Variants in PTPRN2 observed in about 807,000 individuals in gnomAD.
PTPRN2 encodes the protein protein tyrosine phosphatase receptor type N2.
In PTPRN2, 74 loss-of-function variants were observed where a neutral mutation model predicts 118.8. The ratio of observed to expected loss-of-function variants is 0.62; its 90% CI spans 0.52 to 0.76. PTPRN2 has a LOEUF of 0.76. PTPRN2 is among the 30% of genes least tolerant of loss of function. The probability of loss-of-function intolerance (pLI) is 0.00; values close to 1 mark genes in which losing one functional copy is unlikely to be tolerated. For missense variants in PTPRN2, 1,481 were observed against 1,394.4 expected (o/e 1.06, Z -0.99); for synonymous variants, 641 against 608.0 (o/e 1.05, Z -0.80).
At chr7:158,410,750 T>C (rs1428788385) in intron 2 of PTPRN2, among the ~76,000 whole-genome samples, 1 of 152,002 alleles carries the variant, frequency 6.6e-6, no homozygotes, top group East Asian at 1.9e-4. Context: ...GGATCCAGGG[T>C]GGGCCCTAAA....
chr7:158,337,522 A>C, intron 2 of PTPRN2, among the ~76,000 whole-genome samples: 1 of 151,302 alleles, frequency 6.6e-6, no homozygotes, highest in African/African-American at 2.4e-5. Context: ...CTCTCACCAT[A>C]AGAGGTGACA....
intron 3 of PTPRN2, among the ~76,000 whole-genome samples, chr7:158,234,950 G>A (rs1165478311): frequency 6.6e-6 from 1 of 152,152 alleles, no homozygotes; most frequent in East Asian, 1.9e-4. Context: ...TTTTAGTAGA[G>A]ACGGGGTTTC....
At position 157,763,336 on chromosome 7, in the gene PTPRN2, G is replaced by A. The variant is rs1312704198; in HGVS notation, c.1789-80399C>T. Among the ~76,000 whole-genome samples the A allele has an allele frequency of 1.3e-5, 2 of 152,212 alleles. No individual in the cohort carries two copies. Among genetic ancestry groups the A allele is most frequent in the African/African-American group, 4.8e-5 (2 of 41,468 alleles). ...TTTCCAACAAAAGCTCAGCCCTGGT[G>A]ATGACAGCACAGACTCCAGCTCTCC... On this transcript the variant is annotated intron_variant, in intron 12 of 22. Transcript: ENST00000389418. The surrounding 1 kb of genome is among the most constrained non-coding windows in gnomAD (Gnocchi z 4.9).
chr7:158,303,873 A>G lies in PTPRN2; in HGVS notation c.277+12946T>C, dbSNP rs114018115. 9.4e-4 allele frequency among the ~76,000 whole-genome samples: 144 copies of G among 152,384 alleles called. 1 individual carries two copies. The highest frequency in any genetic ancestry group is 3.3e-3 in the African/African-American group (139 of 41,594). On this transcript the variant is annotated intron_variant, in intron 3 of 22. Coordinates refer to ENST00000389418, the MANE Select transcript of PTPRN2 (RefSeq NM_002847.5). ...GTTGATGAAGAGGGTCAAACTCTGA[A>G]AACTATTTGAAGAAATGTATTCTGA...
chr7:158,056,155 T>C (rs1809771991), intron 11 of PTPRN2, among the ~76,000 whole-genome samples: 1 of 152,238 alleles, frequency 6.6e-6, no homozygotes, highest in African/African-American at 2.4e-5. Flanking sequence ...TGCCTTCGTA[T>C]TGGCCTTGGT....
rs909786779 is a variant in PTPRN2 at position 157,959,598 on chromosome 7, C to T, written c.1724-60861G>A. Among the ~76,000 whole-genome samples, 6 of 152,230 alleles carry T rather than the reference C, an allele frequency of 3.9e-5. No homozygotes were observed. In the South Asian group the frequency reaches 1.0e-3, roughly 26 times the overall value. ...GAGCCCATGGTGAGCTGTTCAACAT[C>T]ACCAGCCATTAGGCAAAAGCAAACA... On this transcript the variant is annotated intron_variant, in intron 11 of 22. Coordinates refer to ENST00000389418, the MANE Select transcript of PTPRN2 (RefSeq NM_002847.5).
At chr7:157,920,194 A>G (rs754572791) in intron 11 of PTPRN2, among the ~76,000 whole-genome samples, 14 of 152,202 alleles carry the variant, frequency 9.2e-5, no homozygotes, top group Non-Finnish European at 1.6e-4. Context: ...AACTATGAAC[A>G]AAGAAAATAA....
intron 12 of PTPRN2, among the ~76,000 whole-genome samples, chr7:157,853,087 G>A (rs971298163): frequency 2.0e-5 from 3 of 152,128 alleles, no homozygotes; most frequent in African/African-American, 7.2e-5. Flanking sequence ...CAGATCAGCA[G>A]GCAGTGGATG....
At chr7:158,547,542 C>T (rs759751944) in intron 1 of PTPRN2, among the ~76,000 whole-genome samples, 18 of 152,182 alleles carry the variant, frequency 1.2e-4, no homozygotes, top group Admixed American at 8.5e-4. Flanking sequence ...CCCATGCTGT[C>T]GCAGAGGTCA....
In PTPRN2 at chr7:157,941,643, C is replaced by T. The variant is rs564596677; in HGVS notation, c.1724-42906G>A. Among the ~76,000 whole-genome samples the T allele has an allele frequency of 7.2e-5, 11 of 152,324 alleles. No homozygotes were observed. The South Asian group carries it at 2.3e-3, about 32-fold the overall frequency. ...GGCCATCTGTGCAGGGACATACGTC[C>T]ATGCATGTGTATAAAAGATCTCTGT... On this transcript the variant is annotated intron_variant, in intron 11 of 22. Transcript: ENST00000389418.
At chr7:158,457,804 C>T (rs1330813936) in intron 2 of PTPRN2, among the ~76,000 whole-genome samples, 4 of 148,974 alleles carry the variant, frequency 2.7e-5, no homozygotes, top group Non-Finnish European at 4.4e-5. Context: ...CGGTGAGGGG[C>T]GTTAACACCA....
chr7:158,192,819 C>T (rs140418853), intron 4 of PTPRN2, among the ~76,000 whole-genome samples: 133 of 152,282 alleles, frequency 8.7e-4, no homozygotes, highest in Middle Eastern at 3.4e-3. Flanking sequence ...GTGTTGGCTG[C>T]AGGCTCAGCA....
intron 12 of PTPRN2, chr7:157,863,785 G>A (rs1810418348): frequency 6.6e-6 from 1 of 152,212 alleles, no homozygotes; most frequent in African/African-American, 2.4e-5. Context: ...GGGATATCTG[G>A]ACACAGAGAC....
At position 157,991,651 on chromosome 7, in the gene PTPRN2, G is replaced by A. The variant is rs539540945; in HGVS notation, c.1723+89647C>T. ...TTGCAGCCTGCCTGGGACCCAGTGA[G>A]GATCTGTGGAGATGGGCTACAGGGA... On this transcript the variant is annotated intron_variant, in intron 11 of 22. Transcript: ENST00000389418. Among the ~76,000 whole-genome samples, 6 of 152,346 alleles carry A rather than the reference G, an allele frequency of 3.9e-5. No individual in the cohort carries two copies. The South Asian group carries it at 8.3e-4, about 21-fold the overall frequency.
At chr7:157,982,584 G>A (rs113970671) in intron 11 of PTPRN2, among the ~76,000 whole-genome samples, 4 of 121,244 alleles carry the variant, frequency 3.3e-5, no homozygotes, top group Admixed American at 8.3e-5. Flanking sequence ...TCATAGAGAC[G>A]AGTAGGGGAA....
At chr7:158,316,678 C>T (rs574657791) in intron 3 of PTPRN2, 141 bp downstream of exon 3, 16 of 632,342 alleles carry the variant, frequency 2.5e-5, no homozygotes, top group African/African-American at 5.5e-5. Context: ...ATGAGCCCAG[C>T]GCCCGGCTCC....
intron 1 of PTPRN2, among the ~76,000 whole-genome samples, chr7:158,561,897 G>A (rs905260250): frequency 4.6e-5 from 7 of 152,194 alleles, no homozygotes; most frequent in African/African-American, 1.2e-4. Context: ...CAATTTGGGT[G>A]AAGCATTGCA....
intron 12 of PTPRN2, among the ~76,000 whole-genome samples, chr7:157,859,676 T>C (rs552364430): frequency 6.3e-4 from 6 of 9,474 alleles, no homozygotes; most frequent in African/African-American, 1.4e-3. Flanking sequence ...AGGGAGAGCC[T>C]CCCAGCCACC....
intron 3 of PTPRN2, among the ~76,000 whole-genome samples, chr7:158,292,710 A>T (rs188344750): frequency 2.0e-3 from 310 of 152,370 alleles, no homozygotes; most frequent in African/African-American, 7.2e-3. Flanking sequence ...AGGCAATTGT[A>T]ACACAAGGTT....
Sources: gnomAD v4.1 joint callset for allele counts (sites outside exome capture counted in the v4.1 genomes callset) on GRCh38, gnomAD v4.1.1 for gene constraint, Gnocchi (gnomAD v3.1) non-coding constraint, MANE v1.5 for transcripts, NCBI Gene and HGNC (gene_info 2026-07-23, HGNC 2026-07-21) for gene names.